Variants in RP1L1 observed in about 807,000 individuals in gnomAD.
RP1L1 encodes RP1 like 1.
RP1L1 carries 27 observed loss-of-function variants against 15.7 expected under a neutral mutation model. That is an observed-to-expected ratio of 1.72 (90% CI 1.27 to 2.38). The LOEUF is 2.38. Among genes scored for constraint, RP1L1 ranks in the 30% most tolerant of loss-of-function variants. The pLI, the probability that RP1L1 is intolerant of heterozygous loss-of-function variation, is 0.00. For missense variants in RP1L1, 4,798 were observed against 3,075.9 expected (o/e 1.56, Z -13.24); for synonymous variants, 1,813 against 1,276.7 (o/e 1.42, Z -8.96).
intron 1 of RP1L1, among the ~76,000 whole-genome samples, chr8:10,639,483 A>C (rs1483013757): frequency 2.6e-5 from 4 of 152,066 alleles, no homozygotes; most frequent in Admixed American, 1.3e-4. Context: ...AGCGATCCTT[A>C]TGTCTCAGTC....
Position 10,646,421 on chromosome 8 carries a change from C to T in RP1L1, c.-20+8477G>A, listed in dbSNP as rs73662890. ...AAGACCTCGCCTTTCATTTAGGAGCCGTTTAGGCATCCTAAATGCTAATGG... is the reference window on the plus strand; with the variant it reads ...AAGACCTCGCCTTTCATTTAGGAGCTGTTTAGGCATCCTAAATGCTAATGG... On this transcript the variant is annotated intron_variant, in intron 1 of 3. Coordinates refer to ENST00000382483, the MANE Select transcript of RP1L1 (RefSeq NM_178857.6). Among the ~76,000 whole-genome samples, 539 of 152,222 alleles carry T rather than the reference C, an allele frequency of 3.5e-3. 4 individuals are homozygous for T. The highest frequency in any genetic ancestry group is 0.012 in the African/African-American group (496 of 41,548).
chr8:10,616,951 C>T (rs529808811), intron 2 of RP1L1, among the ~76,000 whole-genome samples: 1 of 152,178 alleles, frequency 6.6e-6, no homozygotes, highest in Non-Finnish European at 1.5e-5. Flanking sequence ...AGCAGCACGC[C>T]CTCCAGCTCC....
At chr8:10,654,076 C>T (rs1798603320) in intron 1 of RP1L1, among the ~76,000 whole-genome samples, 1 of 152,130 alleles carries the variant, frequency 6.6e-6, no homozygotes. Context: ...TAGCTGCAGC[C>T]GCGCTGGACC....
At chr8:10,652,732 G>A (rs975461840) in intron 1 of RP1L1, among the ~76,000 whole-genome samples, 3 of 151,616 alleles carry the variant, frequency 2.0e-5, no homozygotes, top group East Asian at 1.9e-4. Flanking sequence ...TGCAGCCTGA[G>A]GCTGGCCGGC....
At chr8:10,633,349 C>T (rs989344804) in intron 1 of RP1L1, among the ~76,000 whole-genome samples, 2 of 152,210 alleles carry the variant, frequency 1.3e-5, no homozygotes, top group African/African-American at 4.8e-5. Flanking sequence ...AGAAGCCTGA[C>T]AAGGCAACCC....
rs1195087702 is a variant in RP1L1 at position 10,607,198 on chromosome 8, G to A, written c.6900C>T (p.Ser2300=). 9.3e-6 allele frequency: 15 copies of A among 1,614,210 alleles called. No homozygotes were observed. In the Middle Eastern group the frequency reaches 4.9e-4, roughly 53 times the overall value. The change falls in exon 4 of 4, where the codon TCC becomes TCT. Residue 2300 remains serine (S), a synonymous_variant. Transcript: ENST00000382483. ...AGTTGCCCCAAGAGGATGCTCTGGA[G>A]GAGGAAGGGCCTGTTTGGGAGCCTG... is the stretch of plus-strand genomic sequence containing the variant. ...QRPGSQTGPS[S]SRASSWGNCW... is the part of the protein sequence containing the mutation.
At chr8:10,648,241 AG>A (rs1233475649) in intron 1 of RP1L1, among the ~76,000 whole-genome samples, 1 of 152,168 alleles carries the variant, frequency 6.6e-6, no homozygotes, top group Admixed American at 6.5e-5. Flanking sequence ...TACATAGGCC[AG>A]GCTGGTCTCG....
rs781540894 is a variant in RP1L1, at chr8:10,609,699, T to C, written c.4399A>G (p.Arg1467Gly). Residue 1467 changes from arginine (R) to glycine (G), a missense_variant, in exon 4 of 4, where the codon AGG becomes GGG. Coordinates refer to ENST00000382483, the MANE Select transcript of RP1L1 (RefSeq NM_178857.6). ...GGCTCAAGCTGGGAGCCACTCTGCCTCTCGCTGGCACTTGGGTCCGTCTCG... is the reference window on the plus strand; with the variant it reads ...GGCTCAAGCTGGGAGCCACTCTGCCCCTCGCTGGCACTTGGGTCCGTCTCG... ...LSETDPSASERQSGSQLEPGL... is the reference protein window; with the variant it reads ...LSETDPSASEGQSGSQLEPGL... The C allele has an allele frequency of 6.2e-7, 1 of 1,612,928 alleles. No individual in the cohort carries two copies. Among genetic ancestry groups the C allele is most frequent in the South Asian group, 1.1e-5 (1 of 91,068 alleles).
At position 10,612,825 on chromosome 8, in the gene RP1L1, T is replaced by A; in HGVS notation, c.1273A>T (p.Arg425Trp). 6.2e-7 allele frequency: 1 copy of A among 1,612,180 alleles called. No homozygotes were observed. Among genetic ancestry groups the A allele is most frequent in the Admixed American group, 1.7e-5 (1 of 60,022 alleles). ...SQGERVAARK[R>W]WGLAQHVRCS... ...CGGACGTGCTGGGCCAGTCCCCACCTCTTCCGAGCTGCCACTCTCTCTCCC... is the reference window on the plus strand; with the variant it reads ...CGGACGTGCTGGGCCAGTCCCCACCACTTCCGAGCTGCCACTCTCTCTCCC... Residue 425 changes from arginine to tryptophan, a missense_variant, in exon 4 of 4, where the codon AGG becomes TGG. Physicochemically the swap from Arg to Trp is moderately radical, Grantham distance 101. Transcript: ENST00000382483.
At position 10,607,555 on chromosome 8, in the gene RP1L1, C is replaced by G; in HGVS notation, c.6543G>C (p.Glu2181Asp). 6.4e-7 allele frequency: 1 copy of G among 1,565,732 alleles called. No homozygotes were observed. Among genetic ancestry groups the G allele is most frequent in the Non-Finnish European group, 8.7e-7 (1 of 1,146,036 alleles). ...EEAQPELEGV[E>D]APEAEGEAQP... Reference sequence around the variant, plus strand: ...GGGCCTCCCCTTCTGCCTCTGGGGCCTCTACACCTTCTAACTCTGGTTGGG... The same window carrying G: ...GGGCCTCCCCTTCTGCCTCTGGGGCGTCTACACCTTCTAACTCTGGTTGGG... Residue 2181 changes from glutamate (E) to aspartate (D), a missense_variant, in exon 4 of 4, where the codon GAG (glutamate) becomes GAC (aspartate). Glu to Asp is a conservative substitution (Grantham distance 45). Coordinates refer to ENST00000382483, the MANE Select transcript of RP1L1 (RefSeq NM_178857.6).
At chr8:10,637,545 A>C (rs1372293889) in intron 1 of RP1L1, among the ~76,000 whole-genome samples, 1 of 152,192 alleles carries the variant, frequency 6.6e-6, no homozygotes, top group African/African-American at 2.4e-5. Flanking sequence ...CAGCAGTTCA[A>C]ATGTAGCCTG....
Position 10,612,506 on chromosome 8 carries a change from G to T in RP1L1, c.1592C>A (p.Ala531Asp). The T allele has an allele frequency of 6.2e-7, 1 of 1,612,130 alleles. No individual in the cohort carries two copies. The highest frequency in any genetic ancestry group is 1.1e-5 in the South Asian group (1 of 91,064). Residue 531 changes from alanine to aspartate, a missense_variant, in exon 4 of 4, where the codon GCT (alanine) becomes GAT (aspartate). By Grantham distance (126) the Ala-to-Asp change is moderately radical. Transcript: ENST00000382483. ...LTPRARSEEG[A>D]SSDSSASTGS... Reference sequence around the variant, plus strand: ...GGTGCTGGCTGACGAGTCCGAAGAAGCCCCCTCCTCACTCCGGGCCCTCGG... The same window carrying T: ...GGTGCTGGCTGACGAGTCCGAAGAATCCCCCTCCTCACTCCGGGCCCTCGG...
At chr8:10,632,682 T>C (rs901838373) in intron 1 of RP1L1, among the ~76,000 whole-genome samples, 3 of 152,216 alleles carry the variant, frequency 2.0e-5, no homozygotes, top group Admixed American at 2.0e-4. Context: ...GCACAGCACC[T>C]TGTAGGTGCT....
chr8:10,612,128 C>T lies in RP1L1; in HGVS notation c.1970G>A (p.Gly657Asp). The change falls in exon 4 of 4, where the codon GGC becomes GAC. Residue 657 changes from glycine to aspartate, a missense_variant. Transcript: ENST00000382483. ...AMSSPSSPGL[G>D]RVAPRGHPRH... ...GGGATGGCCTCTCGGGGCCACTCGG[C>T]CAAGGCCAGGGCTGCTGGGTGAGGA... 1.2e-6 allele frequency: 2 copies of T among 1,613,670 alleles called. No individual in the cohort carries two copies. Among genetic ancestry groups the T allele is most frequent in the Non-Finnish European group, 1.7e-6 (2 of 1,180,032 alleles).
rs776572559 is a variant in RP1L1, at chr8:10,607,256, G to A, written c.6842C>T (p.Pro2281Leu). The A allele has an allele frequency of 1.9e-6, 3 of 1,613,998 alleles. No homozygotes were observed. Among genetic ancestry groups the A allele is most frequent in the Non-Finnish European group, 2.5e-6 (3 of 1,179,954 alleles). Reference sequence around the variant, plus strand: ...GTGGGGAGTGTCTCCACCTGGGGAAGGGGGTGGAGTGGGCCTGTCCTCAGG... The same window carrying A: ...GTGGGGAGTGTCTCCACCTGGGGAAAGGGGTGGAGTGGGCCTGTCCTCAGG... ...PVPEDRPTPP[P>L]SPGGDTPHQR... Residue 2281 changes from proline (P) to leucine (L), a missense_variant, in exon 4 of 4, where the codon CCT becomes CTT. By Grantham distance (98) the Pro-to-Leu change is moderately conservative. Coordinates refer to ENST00000382483, the MANE Select transcript of RP1L1 (RefSeq NM_178857.6).
At chr8:10,624,330 G>A (rs34462983) in intron 1 of RP1L1, among the ~76,000 whole-genome samples, 56 of 152,204 alleles carry the variant, frequency 3.7e-4, no homozygotes, top group Non-Finnish European at 6.8e-4. Flanking sequence ...AAACAGACAC[G>A]CTCCTACACA....
At chr8:10,649,001 C>A (rs1334905584) in intron 1 of RP1L1, among the ~76,000 whole-genome samples, 1 of 152,146 alleles carries the variant, frequency 6.6e-6, no homozygotes, top group Non-Finnish European at 1.5e-5. Context: ...GGTGTAGGCC[C>A]TCGCCTCCCA....
At position 10,611,462 on chromosome 8, in the gene RP1L1, C is replaced by A. The variant is rs771726689; in HGVS notation, c.2636G>T (p.Ser879Ile). 6.4e-7 allele frequency: 1 copy of A among 1,570,124 alleles called. No homozygotes were observed. ...GCTCCCACCTGGCCCCCGGGCAGTG[C>A]TTTGGTGGCTGCTGCCGGTGCTCCC... ...SCGSTGSSHQ[S>I]TARGPGGSPQ... The change falls in exon 4 of 4, where the codon AGC becomes ATC. Residue 879 changes from serine to isoleucine, a missense_variant. Transcript: ENST00000382483.
At chr8:10,621,625 G>C (rs907320519) in intron 2 of RP1L1, 2 of 446,822 alleles carry the variant, frequency 4.5e-6, no homozygotes, top group South Asian at 3.1e-5. Flanking sequence ...TGTGCCCAGT[G>C]ATATGATATT....
Sources: allele counts gnomAD v4.1 joint callset (sites outside exome capture counted in the v4.1 genomes callset), GRCh38; gene constraint gnomAD v4.1.1; transcripts MANE v1.5; gene names NCBI Gene and HGNC (gene_info 2026-07-23, HGNC 2026-07-21).